The following TEX11 variants were observed in gnomAD, a reference collection of about 807,000 sequenced individuals.
The protein encoded by TEX11 is testis expressed 11.
A neutral mutation model predicts 84.4 loss-of-function variants in TEX11; 7 were observed. That is an observed-to-expected ratio of 0.08 (90% confidence interval 0.05 to 0.16). The LOEUF (loss-of-function observed/expected upper bound fraction) is 0.16, where lower values mean the gene tolerates loss of function less well. Ranked by LOEUF, TEX11 falls within the 10% of genes least tolerant of loss-of-function variation. The probability of loss-of-function intolerance (pLI) is 1.00; values close to 1 mark genes in which losing one functional copy is unlikely to be tolerated. For missense variants in TEX11, 551 were observed against 660.5 expected (o/e 0.83, Z 1.82); for synonymous variants, 264 against 222.8 (o/e 1.18, Z -1.64).
At chrX:70,729,775 C>A (rs1359507111) in intron 11 of TEX11, among the ~76,000 whole-genome samples, 1 of 111,391 alleles carries the variant, frequency 9.0e-6, no homozygotes, top group Non-Finnish European at 1.9e-5. Flanking sequence ...TCTAGCAAGG[C>A]AGGCCAGCAT....
chrX:70,539,038 A>ATATATATATAT, intron 28 of TEX11, among the ~76,000 whole-genome samples: 38 of 41,243 alleles, frequency 9.2e-4, no homozygotes, highest in South Asian at 2.6e-3. Context: ...ATATATATAT[A>ATATATATATAT]TTTTTTTTTT....
intron 7 of TEX11, among the ~76,000 whole-genome samples, chrX:70,849,527 A>G (rs2091496141): frequency 8.9e-6 from 1 of 111,936 alleles, no homozygotes; most frequent in Non-Finnish European, 1.9e-5. Flanking sequence ...CAATTATCTA[A>G]CTGGTTAAAT....
chrX:70,824,366 G>T (rs1168153280), intron 8 of TEX11, among the ~76,000 whole-genome samples: 2 of 112,033 alleles, frequency 1.8e-5, no homozygotes, highest in Non-Finnish European at 3.8e-5. Flanking sequence ...ATTCAATTTT[G>T]GTTTTTATTT....
chrX:70,907,407 A>AT (rs532492019), intron 2 of TEX11, among the ~76,000 whole-genome samples: 2,888 of 106,605 alleles, frequency 0.027, 64 homozygotes, highest in East Asian at 0.1. Context: ...AAATATTTAG[A>AT]TTTTTTTTTT....
chrX:70,556,160 A>T (rs772862279), intron 25 of TEX11, among the ~76,000 whole-genome samples: 73 of 110,653 alleles, frequency 6.6e-4, no homozygotes, highest in Non-Finnish European at 1.1e-3. Context: ...CTTTTGCTTG[A>T]TTGGGTTTAA....
intron 12 of TEX11, among the ~76,000 whole-genome samples, chrX:70,723,286 G>C (rs59534882): frequency 0.018 from 1,990 of 111,451 alleles, 44 homozygotes; most frequent in African/African-American, 0.061. Context: ...AAGCAGTGTA[G>C]ATTATAATAA....
At chrX:70,794,143 C>T (rs1029587196) in intron 9 of TEX11, among the ~76,000 whole-genome samples, 3 of 111,877 alleles carry the variant, frequency 2.7e-5, no homozygotes, top group African/African-American at 6.5e-5. Flanking sequence ...TTGCCCACAC[C>T]ATCCCTTCCC....
chrX:70,565,636 C>T (rs1174274626), intron 25 of TEX11, among the ~76,000 whole-genome samples: 2 of 110,275 alleles, frequency 1.8e-5, no homozygotes, highest in African/African-American at 6.6e-5. Flanking sequence ...AGCCAGTTTT[C>T]CCAGCACCAT....
At chrX:70,729,574 A>C (rs1211681362) in intron 11 of TEX11, among the ~76,000 whole-genome samples, 5 of 111,914 alleles carry the variant, frequency 4.5e-5, no homozygotes, top group African/African-American at 1.6e-4. Flanking sequence ...GGAAGATCAA[A>C]TGAATGAAAT....
At chrX:70,618,462 A>G (rs927553731) in intron 20 of TEX11, among the ~76,000 whole-genome samples, 1 of 111,573 alleles carries the variant, frequency 9.0e-6, no homozygotes, top group African/African-American at 3.3e-5. Flanking sequence ...TTCCTCTTGT[A>G]ACCTCTGAAG....
chrX:70,717,090 T>C (rs978289737), intron 13 of TEX11, among the ~76,000 whole-genome samples: 1 of 111,181 alleles, frequency 9.0e-6, no homozygotes, highest in Non-Finnish European at 1.9e-5. Flanking sequence ...GTACTGGATA[T>C]TACTAGGATC....
the TEX11 span, among the ~76,000 whole-genome samples, chrX:70,513,158 A>C: frequency 9.3e-6 from 1 of 107,879 alleles, no homozygotes; most frequent in Admixed American, 9.9e-5. Flanking sequence ...GTTCAAGACC[A>C]GCCTGGCCAA....
chrX:70,747,588 T>C (rs2090776964), intron 9 of TEX11, among the ~76,000 whole-genome samples: 1 of 111,634 alleles, frequency 9.0e-6, no homozygotes, highest in African/African-American at 3.2e-5. Context: ...GAAACTTCCT[T>C]TGAGGAGGCC....
intron 9 of TEX11, among the ~76,000 whole-genome samples, chrX:70,745,436 A>C (rs2090762024): frequency 9.3e-6 from 1 of 107,892 alleles, no homozygotes; most frequent in African/African-American, 3.4e-5. Flanking sequence ...ATATTCCTTA[A>C]AAAAAAAAAA....
At chrX:70,699,215 T>C (rs1009948795) in intron 13 of TEX11, among the ~76,000 whole-genome samples, 5 of 111,269 alleles carry the variant, frequency 4.5e-5, no homozygotes, top group Non-Finnish European at 7.5e-5. Context: ...GAAGAAAACA[T>C]AGAGTGTTCA....
chrX:70,573,995 C>A (rs2147467802), intron 25 of TEX11, among the ~76,000 whole-genome samples: 1 of 111,856 alleles, frequency 8.9e-6, no homozygotes, highest in African/African-American at 3.2e-5. Context: ...ATACTTTATA[C>A]CAAAGTCAAA....
chrX:70,783,479 C>A (rs1236714221), intron 9 of TEX11, among the ~76,000 whole-genome samples: 1 of 111,505 alleles, frequency 9.0e-6, no homozygotes, highest in Non-Finnish European at 1.9e-5. Context: ...TAACTAAGAT[C>A]AGAGCAGAAC....
At chrX:70,907,051 G>T (rs1455989659) in intron 2 of TEX11, among the ~76,000 whole-genome samples, 1 of 111,212 alleles carries the variant, frequency 9.0e-6, no homozygotes, top group African/African-American at 3.3e-5. Flanking sequence ...AGCAAACATG[G>T]ATTACCAATT....
At chrX:70,561,466 C>T (rs1342269152) in intron 25 of TEX11, among the ~76,000 whole-genome samples, 1 of 102,758 alleles carries the variant, frequency 9.7e-6, no homozygotes, top group African/African-American at 3.6e-5. Context: ...CAGCTCACTG[C>T]AACCCTCACT....
Sources: gnomAD v4.1 joint callset for allele counts (sites outside exome capture counted in the v4.1 genomes callset) on GRCh38, gnomAD v4.1.1 for gene constraint, MANE v1.5 for transcripts, NCBI Gene and HGNC (gene_info 2026-07-23, HGNC 2026-07-21) for gene names.